The following CAMK2D variants were observed in gnomAD, a reference collection of about 807,000 sequenced individuals.
CAMK2D encodes calcium/calmodulin-dependent protein kinase type II subunit delta.
Under a neutral mutation model 84.0 loss-of-function variants are expected in CAMK2D, and 37 were observed. That is an observed-to-expected ratio of 0.44 (90% CI 0.34 to 0.58). The LOEUF is 0.58. CAMK2D is among the 20% of genes least tolerant of loss of function. CAMK2D has a pLI of 0.02. For missense variants in CAMK2D, 448 were observed against 652.5 expected (o/e 0.69, Z 3.41); for synonymous variants, 202 against 212.5 (o/e 0.95, Z 0.43).
intron 2 of CAMK2D, among the ~76,000 whole-genome samples, chr4:113,722,996 C>T (rs371400441): frequency 6.6e-6 from 1 of 152,048 alleles, no homozygotes; most frequent in South Asian, 2.1e-4. Context: ...CTTTCTCTAA[C>T]GACTTTGTAA....
chr4:113,459,925 A>G (rs1421363036), intron 18 of CAMK2D, among the ~76,000 whole-genome samples: 1 of 152,132 alleles, frequency 6.6e-6, no homozygotes, highest in Non-Finnish European at 1.5e-5. Context: ...GTGCCCAGTC[A>G]ACATTAATTT....
At chr4:113,618,398 C>A (rs2099030600) in intron 3 of CAMK2D, among the ~76,000 whole-genome samples, 1 of 152,152 alleles carries the variant, frequency 6.6e-6, no homozygotes, top group South Asian at 2.1e-4. Flanking sequence ...AGATCATCTT[C>A]TCTTTGTAAC....
At chr4:113,736,044 G>A (rs1332947068) in intron 2 of CAMK2D, among the ~76,000 whole-genome samples, 1 of 149,834 alleles carries the variant, frequency 6.7e-6, no homozygotes, top group African/African-American at 2.5e-5. Context: ...TCTTTACAAA[G>A]AAGTATGTAA....
intron 2 of CAMK2D, among the ~76,000 whole-genome samples, chr4:113,747,698 G>A (rs1460625653): frequency 6.6e-6 from 1 of 151,946 alleles, no homozygotes; most frequent in East Asian, 1.9e-4. Context: ...TTGCCCCAAG[G>A]CTCACTAAAA....
chr4:113,736,275 T>C (rs1323234059), intron 2 of CAMK2D, among the ~76,000 whole-genome samples: 1 of 152,186 alleles, frequency 6.6e-6, no homozygotes, highest in Non-Finnish European at 1.5e-5. Flanking sequence ...AATGCTGGTA[T>C]ATTTTGAATA....
intron 3 of CAMK2D, among the ~76,000 whole-genome samples, chr4:113,623,385 C>A (rs78721795): frequency 1.5e-5 from 2 of 134,782 alleles, no homozygotes; most frequent in African/African-American, 5.0e-5. Context: ...TGTGTATATA[C>A]ACACACACAC....
At chr4:113,623,772 A>G (rs2099056539) in intron 3 of CAMK2D, among the ~76,000 whole-genome samples, 1 of 151,350 alleles carries the variant, frequency 6.6e-6, no homozygotes. Context: ...GTTATGTTTT[A>G]ATTAGTAAAT....
intron 8 of CAMK2D, among the ~76,000 whole-genome samples, chr4:113,523,043 T>C (rs1381520143): frequency 1.3e-5 from 2 of 152,168 alleles, no homozygotes; most frequent in African/African-American, 4.8e-5. Flanking sequence ...TTAACTACCA[T>C]GTGAGGATAC....
chr4:113,482,579 AAG>A (rs1441276360), intron 16 of CAMK2D, among the ~76,000 whole-genome samples: 7 of 152,228 alleles, frequency 4.6e-5, no homozygotes, highest in African/African-American at 9.6e-5. Context: ...GGAGAAATGA[AAG>A]AGAAATGTTC....
intron 4 of CAMK2D, among the ~76,000 whole-genome samples, chr4:113,590,015 G>T (rs1222013634): frequency 6.6e-6 from 1 of 152,056 alleles, no homozygotes; most frequent in East Asian, 1.9e-4. Context: ...TGTTAATAAG[G>T]TTAAATGAAT....
chr4:113,723,077 T>C (rs1326828688), intron 2 of CAMK2D, among the ~76,000 whole-genome samples: 2 of 152,076 alleles, frequency 1.3e-5, no homozygotes, highest in African/African-American at 4.8e-5. Flanking sequence ...GAAAGAGTTG[T>C]TTTGAGGATT....
chr4:113,479,956 CATATT>C (rs2097679917), intron 16 of CAMK2D, among the ~76,000 whole-genome samples: 1 of 151,960 alleles, frequency 6.6e-6, no homozygotes, highest in Non-Finnish European at 1.5e-5. Flanking sequence ...TAGGTATTGA[CATATT>C]ATTATTATTT....
chr4:113,639,063 C>T (rs368802627), intron 3 of CAMK2D, among the ~76,000 whole-genome samples: 6 of 146,250 alleles, frequency 4.1e-5, no homozygotes, highest in African/African-American at 7.7e-5. Flanking sequence ...GGCAACATAG[C>T]GAAACTTTGC....
At chr4:113,613,457 TA>T in intron 3 of CAMK2D, among the ~76,000 whole-genome samples, 1 of 151,888 alleles carries the variant, frequency 6.6e-6, no homozygotes, top group Non-Finnish European at 1.5e-5. Context: ...AGAGAAGAAA[TA>T]AAAAAATTAT....
At chr4:113,600,240 A>T (rs2098945993) in intron 4 of CAMK2D, among the ~76,000 whole-genome samples, 1 of 152,214 alleles carries the variant, frequency 6.6e-6, no homozygotes, top group African/African-American at 2.4e-5. Context: ...TTAAAAACCC[A>T]TACAATGTAA....
chr4:113,751,587 T>A (rs1486464915), intron 2 of CAMK2D, among the ~76,000 whole-genome samples: 1 of 152,172 alleles, frequency 6.6e-6, no homozygotes, highest in South Asian at 2.1e-4. Context: ...CTGACCAACA[T>A]GGTGAAATCC....
intron 16 of CAMK2D, among the ~76,000 whole-genome samples, chr4:113,471,573 C>T (rs2097547104): frequency 6.6e-6 from 1 of 152,106 alleles, no homozygotes; most frequent in Non-Finnish European, 1.5e-5. Context: ...GGAAGCCTTG[C>T]TATCTCCTTT....
intron 2 of CAMK2D, among the ~76,000 whole-genome samples, chr4:113,663,212 G>A (rs965969857): frequency 3.9e-5 from 6 of 152,118 alleles, no homozygotes; most frequent in African/African-American, 1.4e-4. Context: ...AAGTATGCAA[G>A]CAAACACAAA....
At chr4:113,524,988 C>T (rs902034227) in intron 8 of CAMK2D, among the ~76,000 whole-genome samples, 1 of 152,144 alleles carries the variant, frequency 6.6e-6, no homozygotes, top group Non-Finnish European at 1.5e-5. Flanking sequence ...TGTAAGGTAA[C>T]CTCAGAACTG....
Sources: gnomAD v4.1 joint callset for allele counts (sites outside exome capture counted in the v4.1 genomes callset) on GRCh38, gnomAD v4.1.1 for gene constraint, MANE v1.5 for transcripts, NCBI Gene and HGNC (gene_info 2026-07-23, HGNC 2026-07-21) for gene names.